Variants in NRXN3 observed in about 807,000 individuals in gnomAD.
NRXN3 encodes the protein neurexin 3.
Under a neutral mutation model 137.6 loss-of-function variants are expected in NRXN3, and 32 were observed. That is an observed-to-expected ratio of 0.23 (90% CI 0.18 to 0.31). NRXN3 has a LOEUF of 0.31. Among genes scored for constraint, NRXN3 ranks in the 10% least tolerant of loss-of-function variants. The pLI is 1.00. For synonymous variants in NRXN3, 798 were observed against 784.5 expected (o/e 1.02, Z -0.29); for missense variants, 1,574 against 2,062.5 (o/e 0.76, Z 4.59).
intron 4 of NRXN3, among the ~76,000 whole-genome samples, chr14:78,324,153 G>A (rs1297636203): frequency 6.6e-6 from 1 of 152,104 alleles, no homozygotes; most frequent in Non-Finnish European, 1.5e-5. Context: ...ATGCTCTGCA[G>A]CCTTCAACCT....
At chr14:79,681,162 T>A (rs903310662) in intron 17 of NRXN3, among the ~76,000 whole-genome samples, 8 of 152,152 alleles carry the variant, frequency 5.3e-5, no homozygotes, top group African/African-American at 1.9e-4. Flanking sequence ...GCTGTCCATG[T>A]CTCCATCCTT....
At chr14:79,575,457 A>G (rs1410241538) in intron 16 of NRXN3, among the ~76,000 whole-genome samples, 2 of 152,180 alleles carry the variant, frequency 1.3e-5, no homozygotes. Flanking sequence ...AGAAAGGATA[A>G]AAGGTAAAGT....
At chr14:78,435,007 A>G (rs1360802479) in intron 4 of NRXN3, among the ~76,000 whole-genome samples, 2 of 152,190 alleles carry the variant, frequency 1.3e-5, no homozygotes, top group African/African-American at 2.4e-5. Flanking sequence ...GGTTGTCCAC[A>G]TGCCCCTTCT....
At chr14:79,579,581 T>C (rs1477485098) in intron 16 of NRXN3, among the ~76,000 whole-genome samples, 1 of 151,928 alleles carries the variant, frequency 6.6e-6, no homozygotes, top group Non-Finnish European at 1.5e-5. Context: ...ATTTGAGGCT[T>C]ACATATGAAT....
chr14:79,543,510 G>A (rs915063135), intron 16 of NRXN3, among the ~76,000 whole-genome samples: 5 of 152,160 alleles, frequency 3.3e-5, no homozygotes, highest in Admixed American at 2.0e-4. Flanking sequence ...AAATGCCAGT[G>A]GACCATGTGT....
chr14:79,829,846 A>T (rs191928944), intron 20 of NRXN3, among the ~76,000 whole-genome samples: 189 of 152,260 alleles, frequency 1.2e-3, no homozygotes, highest in South Asian at 3.1e-3. Flanking sequence ...GTGCCTGCCT[A>T]TCCAAAGCAC....
chr14:78,568,664 T>C (rs1360417194), intron 4 of NRXN3, among the ~76,000 whole-genome samples: 2 of 152,228 alleles, frequency 1.3e-5, no homozygotes, highest in Non-Finnish European at 2.9e-5. Flanking sequence ...ACAAGCAATA[T>C]GTCTTTGAAA....
chr14:79,673,524 A>G (rs1027775221), intron 17 of NRXN3, among the ~76,000 whole-genome samples: 51 of 152,122 alleles, frequency 3.4e-4, no homozygotes, highest in African/African-American at 1.2e-3. Context: ...GAAACACTGT[A>G]AAAACCTTTT....
intron 15 of NRXN3, among the ~76,000 whole-genome samples, chr14:79,319,531 G>A (rs1179045101): frequency 6.6e-6 from 1 of 152,126 alleles, no homozygotes. Flanking sequence ...AAGCAGACTT[G>A]ATGTTTTAGG....
intron 15 of NRXN3, among the ~76,000 whole-genome samples, chr14:79,232,616 G>T (rs1222182525): frequency 1.3e-5 from 2 of 152,126 alleles, no homozygotes; most frequent in Non-Finnish European, 2.9e-5. Context: ...TCTAGTTGGA[G>T]AAATTCCTTA....
At chr14:78,645,063 T>C in intron 4 of NRXN3, 57 bp from the exon 5 acceptor site, 1 of 1,429,064 alleles carries the variant, frequency 7.0e-7, no homozygotes, top group East Asian at 2.5e-5. Context: ...GGTATTTGCA[T>C]AGGTCTGACT....
At chr14:79,607,673 ATT>A (rs10714829) in intron 16 of NRXN3, among the ~76,000 whole-genome samples, 107 of 141,608 alleles carry the variant, frequency 7.6e-4, no homozygotes, top group African/African-American at 2.0e-3. Context: ...TTAATCTACA[ATT>A]TTTTTTTTTT....
At chr14:79,834,439 AT>A (rs2099331155) in intron 20 of NRXN3, among the ~76,000 whole-genome samples, 1 of 152,124 alleles carries the variant, frequency 6.6e-6, no homozygotes, top group Non-Finnish European at 1.5e-5. Context: ...TAATCTTTCC[AT>A]TTCTCACACC....
rs1240291529 is a variant in NRXN3 at position 78,645,412 on chromosome 14, C to A, written c.1050C>A (p.Asn350Lys). ...NAWHDVKVTRNLRQVTISVDG... is the reference protein window; with the variant it reads ...NAWHDVKVTRKLRQVTISVDG... ...GGCATGATGTCAAAGTGACACGCAA[C>A]CTCCGGCAGGTAATGGCTGAGGGGA... Residue 350 changes from asparagine (N) to lysine (K), a missense_variant, in exon 5 of 21, where the codon AAC (asparagine) becomes AAA (lysine). Asn to Lys is a moderately conservative substitution (Grantham distance 94, BLOSUM62 0). Coordinates refer to ENST00000335750, the MANE Select transcript of NRXN3 (RefSeq NM_001330195.2). The A allele has an allele frequency of 5.7e-6, 9 of 1,584,052 alleles. No individual in the cohort carries two copies. Among genetic ancestry groups the A allele is most frequent in the Non-Finnish European group, 6.8e-6 (8 of 1,170,080 alleles).
chr14:78,770,777 A>G (rs1440928253), intron 8 of NRXN3, among the ~76,000 whole-genome samples: 1 of 152,136 alleles, frequency 6.6e-6, no homozygotes, highest in Admixed American at 6.5e-5. Context: ...CAAAGTAAGT[A>G]AGGCAAGGAC....
In NRXN3 at chr14:78,278,682, C is replaced by G. The variant is rs2073966538; in HGVS notation, c.727+20C>G. 1 of 1,533,592 alleles carries G rather than the reference C, an allele frequency of 6.5e-7. No homozygotes were observed. Among genetic ancestry groups the G allele is most frequent in the Non-Finnish European group, 8.7e-7 (1 of 1,144,982 alleles). The allele number at this position is 1,533,592 out of a possible 1,614,324, so 95.0% of individuals were successfully genotyped here. ...ATCCAGGTGAGTCTTTGTGTTTGCA[C>G]AGCTGCTGTGGGAATTTCCCCTCTG... On this transcript the variant is annotated intron_variant, in intron 3 of 20. Coordinates refer to ENST00000335750, the MANE Select transcript of NRXN3 (RefSeq NM_001330195.2).
chr14:79,704,546 G>A (rs545438131), intron 19 of NRXN3, among the ~76,000 whole-genome samples: 146 of 152,124 alleles, frequency 9.6e-4, no homozygotes, highest in Non-Finnish European at 1.7e-3. Context: ...CAGAGCCTCC[G>A]GGGGAAGTTT....
intron 4 of NRXN3, among the ~76,000 whole-genome samples, chr14:78,416,902 A>C (rs2093170321): frequency 6.6e-6 from 1 of 152,228 alleles, no homozygotes; most frequent in Admixed American, 6.5e-5. Flanking sequence ...TGGGCCTAGC[A>C]ATTCTATTAG....
chr14:78,454,249 T>A (rs373699335), intron 4 of NRXN3, among the ~76,000 whole-genome samples: 1 of 152,188 alleles, frequency 6.6e-6, no homozygotes, highest in East Asian at 1.9e-4. Context: ...TTTTCCCCTC[T>A]AGACCACTAG....
Sources: gnomAD v4.1 joint callset for allele counts (sites outside exome capture counted in the v4.1 genomes callset) on GRCh38, gnomAD v4.1.1 for gene constraint, MANE v1.5 for transcripts, NCBI Gene and HGNC (gene_info 2026-07-23, HGNC 2026-07-21) for gene names.